ZNF782: variants seen among roughly 807,000 people sequenced by gnomAD.
ZNF782 encodes the protein zinc finger protein 782.
In ZNF782, 12 loss-of-function variants were observed where a neutral mutation model predicts 13.0. That is an observed-to-expected ratio of 0.92 (90% CI 0.59 to 1.50). The LOEUF is 1.50. Ranked by LOEUF, ZNF782 falls within the 40% of genes most tolerant of loss-of-function variation. The probability of loss-of-function intolerance (pLI) is 0.00; values close to 1 mark genes in which losing one functional copy is unlikely to be tolerated. For synonymous variants in ZNF782, 284 were observed against 283.0 expected (o/e 1.00, Z -0.04); for missense variants, 770 against 822.9 (o/e 0.94, Z 0.79).
At chr9:96,883,448 AAG>A in the ZNF782 span, among the ~76,000 whole-genome samples, 1 of 152,102 alleles carries the variant, frequency 6.6e-6, no homozygotes, top group Non-Finnish European at 1.5e-5. Context: ...ACCTACACTG[AAG>A]AGAGACTGCT....
chr9:96,892,545 T>A, the ZNF782 span: 1 of 152,236 alleles, frequency 6.6e-6, no homozygotes. Context: ...GCAGCGTCAG[T>A]GCGGATCTTA....
chr9:96,894,733 A>T, the ZNF782 span: 3 of 151,970 alleles, frequency 2.0e-5, no homozygotes, highest in African/African-American at 7.3e-5. Context: ...TTTTCTATTT[A>T]TTATTATTTT....
the ZNF782 span, among the ~76,000 whole-genome samples, chr9:96,911,525 TG>T: frequency 4.9e-3 from 675 of 138,210 alleles, 16 homozygotes; most frequent in East Asian, 0.053. Context: ...TGTTTTGTTT[TG>T]TTTTTTTTTT....
At chr9:96,931,048 T>G in the ZNF782 span, among the ~76,000 whole-genome samples, 4 of 151,724 alleles carry the variant, frequency 2.6e-5, no homozygotes, top group African/African-American at 9.7e-5. Context: ...GCACGCATCA[T>G]CAGCTAATTT....
intron 3 of ZNF782, among the ~76,000 whole-genome samples, chr9:96,851,724 A>G (rs1851492519): frequency 6.6e-6 from 1 of 152,246 alleles, no homozygotes; most frequent in African/African-American, 2.4e-5. Context: ...AGTATTTAAT[A>G]TAATTCATGT....
At chr9:96,884,071 T>C in the ZNF782 span, among the ~76,000 whole-genome samples, 1 of 152,194 alleles carries the variant, frequency 6.6e-6, no homozygotes, top group Non-Finnish European at 1.5e-5. Flanking sequence ...CCCTCTACCC[T>C]GTGGAAGCAA....
the ZNF782 span, among the ~76,000 whole-genome samples, chr9:96,883,609 G>A: frequency 1.3e-5 from 2 of 152,130 alleles, no homozygotes; most frequent in African/African-American, 2.4e-5. Flanking sequence ...CCAATAGAAG[G>A]GAGCTCTGTG....
chr9:96,861,098 A>T (rs1283787593), intron 2 of ZNF782, among the ~76,000 whole-genome samples: 16 of 152,330 alleles, frequency 1.1e-4, no homozygotes, highest in Admixed American at 8.5e-4. Flanking sequence ...TAAAAAAAAA[A>T]TTTTAAAAAA....
the ZNF782 span, chr9:96,889,227 T>G: frequency 6.6e-6 from 1 of 152,166 alleles, no homozygotes; most frequent in East Asian, 1.9e-4. Flanking sequence ...AGTAGCACCC[T>G]TCCTAAAATG....
At chr9:96,881,398 C>G in the ZNF782 span, among the ~76,000 whole-genome samples, 1 of 151,830 alleles carries the variant, frequency 6.6e-6, no homozygotes, top group African/African-American at 2.4e-5. Context: ...ATTTAATGTT[C>G]TAAATTTCTT....
chr9:96,828,047 G>C (rs1325856605), intron 4 of ZNF782, among the ~76,000 whole-genome samples: 1 of 152,202 alleles, frequency 6.6e-6, no homozygotes, highest in African/African-American at 2.4e-5. Context: ...GAGCTATACT[G>C]ATATAAAATG....
chr9:96,855,340 G>C (rs998327413), upstream of ZNF782, among the ~76,000 whole-genome samples: 9 of 152,086 alleles, frequency 5.9e-5, no homozygotes, highest in Non-Finnish European at 8.8e-5. Context: ...GTGAGATTTT[G>C]GTGCACCCAT....
chr9:96,897,903 A>G, the ZNF782 span: 62 of 151,766 alleles, frequency 4.1e-4, 2 homozygotes, highest in Admixed American at 3.7e-3. Flanking sequence ...TGGGGATAAC[A>G]CTAGGTCCTT....
At position 96,819,670 on chromosome 9, in the gene ZNF782, G is replaced by A. The variant is rs2118291819; in HGVS notation, c.353C>T (p.Ser118Leu). 6.2e-7 allele frequency: 1 copy of A among 1,613,926 alleles called. No homozygotes were observed. The highest frequency in any genetic ancestry group is 2.2e-5 in the East Asian group (1 of 44,854). The change falls in exon 6 of 6, where the codon TCA (serine) becomes TTA (leucine). Residue 118 changes from serine to leucine, a missense_variant. By Grantham distance (145) the Ser-to-Leu change is moderately radical (BLOSUM62 -2). Coordinates refer to ENST00000481138, the MANE Select transcript of ZNF782 (RefSeq NM_001001662.3). ...NKLLTTEQEI[S>L]GKPHNRDINI... ...TATGTCTCGATTATGTGGTTTTCCT[G>A]AAATTTCTTGCTCTGTAGTCAATAA... is the stretch of plus-strand genomic sequence containing the variant.
the ZNF782 span, among the ~76,000 whole-genome samples, chr9:96,911,510 G>GGTTTTTTTTT: frequency 1.8e-5 from 2 of 109,694 alleles, no homozygotes; most frequent in Non-Finnish European, 3.8e-5. Context: ...TTTTTTTTTT[G>GGTTTTTTTTT]TTTTTGTTTT....
chr9:96,856,925 A>G (rs1851650090), upstream of ZNF782, among the ~76,000 whole-genome samples: 1 of 152,244 alleles, frequency 6.6e-6, no homozygotes, highest in Non-Finnish European at 1.5e-5. Flanking sequence ...TTATCAAGCC[A>G]ACAACTGACT....
the ZNF782 span, among the ~76,000 whole-genome samples, chr9:96,907,422 A>G: frequency 1.3e-5 from 2 of 152,254 alleles, no homozygotes; most frequent in African/African-American, 4.8e-5. Flanking sequence ...AATTAGTTGC[A>G]CAACAATATG....
At chr9:96,920,901 C>A in the ZNF782 span, among the ~76,000 whole-genome samples, 1 of 141,546 alleles carries the variant, frequency 7.1e-6, no homozygotes, top group Admixed American at 6.7e-5. Context: ...GGCAACAGAG[C>A]GAGACTCCAT....
intron 4 of ZNF782, among the ~76,000 whole-genome samples, chr9:96,836,844 G>A (rs763983311): frequency 6.6e-6 from 1 of 152,064 alleles, no homozygotes. Context: ...TTGTGAGAAC[G>A]GGTTGTTAAA....
Sources: allele counts gnomAD v4.1 joint callset (sites outside exome capture counted in the v4.1 genomes callset), GRCh38; gene constraint gnomAD v4.1.1; transcripts MANE v1.5; gene names NCBI Gene and HGNC (gene_info 2026-07-23, HGNC 2026-07-21).